The following MEG3 variants were observed in gnomAD, a reference collection of about 807,000 sequenced individuals.
MEG3 encodes the protein Very putative protein from MEG3 locus.
At chr14:100,852,354 G>C (rs2038107124), upstream of MEG3, 2 of 533,276 alleles carry the variant, frequency 3.8e-6, no homozygotes, top group African/African-American at 1.9e-5. Context: ...GATGGCAACA[G>C]CATTTGGAAG....
At chr14:100,847,202 G>A (rs1284256296) in intron 3 of MEG3, 2 of 151,848 alleles carry the variant, frequency 1.3e-5, no homozygotes, top group Non-Finnish European at 2.9e-5. Flanking sequence ...GGACCCAGTG[G>A]GCGAAAGATG....
At chr14:100,851,830 T>A (rs753208383) in intron 3 of MEG3, 1 of 153,966 alleles carries the variant, frequency 6.5e-6, no homozygotes, top group Non-Finnish European at 1.4e-5. Flanking sequence ...ATCTGGAGAG[T>A]TGCTCGTGCT....
At chr14:100,847,956 GTAA>G (rs2037964015) in intron 3 of MEG3, 1 of 152,164 alleles carries the variant, frequency 6.6e-6, no homozygotes, top group South Asian at 2.1e-4. Flanking sequence ...CAGGAAGGAA[GTAA>G]TGAGTGAGAC....
intron 3 of MEG3, chr14:100,847,481 T>G (rs2037950871): frequency 6.6e-6 from 1 of 152,244 alleles, no homozygotes; most frequent in Admixed American, 6.5e-5. Flanking sequence ...TAACAAATGT[T>G]AAGTACAGAA....
chr14:100,850,620 A>AG (rs2038044087), intron 3 of MEG3: 1 of 152,028 alleles, frequency 6.6e-6, no homozygotes, highest in African/African-American at 2.4e-5. Context: ...GAAAAAAAAA[A>AG]AAAGAAGGAG....
chr14:100,832,669 G>C (rs370773353), downstream of MEG3: 2 of 152,610 alleles, frequency 1.3e-5, no homozygotes, highest in Admixed American at 6.5e-5. Context: ...GGGCCGGGGC[G>C]ATGTGGCTTC....
In MEG3 at chr14:100,845,534, G is replaced by A. The variant is rs2037894256; in HGVS notation, n.3121+1G>A. On this transcript the variant is annotated splice_donor_variant and non_coding_transcript_variant, in intron 3 of 3. Transcript: ENST00000398461. This position sits in a 1 kb window ranked among gnomAD's most constrained non-coding sequence, Gnocchi z 5.2. ...CCCAGCCCCTCTCCAGCTCGAAATC[G>A]TAAGTGGCTGGAGTGTAAAGAACAC... 4.4e-6 allele frequency: 2 copies of A among 456,614 alleles called. No individual in the cohort carries two copies. The highest frequency in any genetic ancestry group is 1.5e-5 in the South Asian group (1 of 64,558). 28.3% of individuals were successfully genotyped at this position (456,614 alleles called of 1,614,324 possible). A position where few individuals can be genotyped will look rare whatever the true frequency, so the allele number is the denominator to read the frequency against.
At chr14:100,826,720 A>G (rs921980480) in intron 1 of MEG3, among the ~76,000 whole-genome samples, 1 of 152,114 alleles carries the variant, frequency 6.6e-6, no homozygotes, top group Non-Finnish European at 1.5e-5. Context: ...TTTTTGGTGG[A>G]TCGTGGGCGG....
chr14:100,836,427 A>G (rs1008557917), intron 2 of MEG3: 2 of 424,590 alleles, frequency 4.7e-6, no homozygotes, highest in South Asian at 1.7e-5. Flanking sequence ...AATTCTCTTC[A>G]CATCAGCCCC....
chr14:100,840,948 T>C (rs2139970289), intron 2 of MEG3, among the ~76,000 whole-genome samples: 1 of 152,324 alleles, frequency 6.6e-6, no homozygotes, highest in Middle Eastern at 3.4e-3. Context: ...TGGGCCTTCC[T>C]GGCAGTGGAC....
chr14:100,838,042 C>T (rs1003136045), intron 2 of MEG3, among the ~76,000 whole-genome samples: 3 of 152,042 alleles, frequency 2.0e-5, no homozygotes, highest in African/African-American at 4.8e-5. Flanking sequence ...AGAAGAGGCC[C>T]GGGAGGGGAG....
upstream of MEG3, chr14:100,852,769 T>G: frequency 4.6e-6 from 1 of 218,814 alleles, no homozygotes; most frequent in Non-Finnish European, 9.4e-6. Context: ...CAAGAGGAAA[T>G]TGGAAGGAAC....
intron 3 of MEG3, chr14:100,846,476 C>CTG (rs1471474911): frequency 1.3e-5 from 2 of 152,220 alleles, no homozygotes; most frequent in African/African-American, 4.8e-5. Flanking sequence ...GGACTGTGGG[C>CTG]TGTGTGTACC....
chr14:100,831,771 G>T (rs928197946), downstream of MEG3: 1 of 152,210 alleles, frequency 6.6e-6, no homozygotes, highest in Non-Finnish European at 1.5e-5. Context: ...TAAGCAGTCA[G>T]GAGTCGCTGC....
chr14:100,857,468 G>A (rs982735349), exon 1 of MEG3: 2 of 152,226 alleles, frequency 1.3e-5, no homozygotes, highest in Non-Finnish European at 2.9e-5. Context: ...GAAAGCATGA[G>A]TGATGGCTTT....
rs555566206 is a variant in MEG3 at position 100,858,699 on chromosome 14, C to T, written n.1455C>T. The T allele has an allele frequency of 9.0e-4, 138 of 153,246 alleles. 1 individual carries two copies. The highest frequency in any genetic ancestry group is 3.9e-4 in the East Asian group (2 of 5,192). The allele number at this position is 153,246 out of a possible 1,614,324, so 9.5% of individuals were successfully genotyped here. A position where few individuals can be genotyped will look rare whatever the true frequency, so the allele number is the denominator to read the frequency against. ...CCATGCCTGCTCCCAGAAGCACCCACGTGGGTCCCCTGATTCTCTCCTCCC... is the reference window on the plus strand; with the variant it reads ...CCATGCCTGCTCCCAGAAGCACCCATGTGGGTCCCCTGATTCTCTCCTCCC... On this transcript the variant is annotated non_coding_transcript_exon_variant, in exon 1 of 2. Transcript: ENST00000398460.
downstream of MEG3, chr14:100,832,265 C>G (rs1035793633): frequency 6.6e-6 from 1 of 152,182 alleles, no homozygotes; most frequent in Non-Finnish European, 1.5e-5. Flanking sequence ...TCCCAGGAAG[C>G]TTTCACATCA....
intron 2 of MEG3, among the ~76,000 whole-genome samples, chr14:100,843,475 G>A (rs1211783395): frequency 6.6e-6 from 1 of 152,152 alleles, no homozygotes; most frequent in Non-Finnish European, 1.5e-5. Flanking sequence ...ACCGAAGTCG[G>A]CCCCTCAGTC....
chr14:100,855,148 C>T (rs535274693), upstream of MEG3: 2 of 152,802 alleles, frequency 1.3e-5, no homozygotes, highest in African/African-American at 4.8e-5. Flanking sequence ...GTCAGAATCC[C>T]TCACCCACAT....
Sources: gnomAD v4.1 joint callset for allele counts (sites outside exome capture counted in the v4.1 genomes callset) on GRCh38, gnomAD v4.1.1 for gene constraint, Gnocchi (gnomAD v3.1) non-coding constraint, MANE v1.5 for transcripts, NCBI Gene and HGNC (gene_info 2026-07-23, HGNC 2026-07-21) for gene names.